PCDH15: variants seen among roughly 807,000 people sequenced by gnomAD.
The protein encoded by PCDH15 is protocadherin related 15.
In PCDH15, 129 loss-of-function variants were observed where a neutral mutation model predicts 178.5. That is an observed-to-expected ratio of 0.72 (90% CI 0.63 to 0.84). The LOEUF (loss-of-function observed/expected upper bound fraction) is 0.84. Among genes scored for constraint, PCDH15 ranks in the 40% least tolerant of loss-of-function variants. PCDH15 has a pLI of 0.00. For synonymous variants in PCDH15, 800 were observed against 732.0 expected (o/e 1.09, Z -1.50); for missense variants, 2,230 against 2,099.9 (o/e 1.06, Z -1.21).
chr10:54,742,062 T>G (rs914506798), intron 1 of PCDH15, among the ~76,000 whole-genome samples: 2 of 152,076 alleles, frequency 1.3e-5, no homozygotes, highest in African/African-American at 2.4e-5. Context: ...CCTTTCCTCA[T>G]AACTTTTGTC....
At chr10:53,890,875 C>G (rs1439122211) in intron 26 of PCDH15, among the ~76,000 whole-genome samples, 1 of 152,146 alleles carries the variant, frequency 6.6e-6, no homozygotes, top group African/African-American at 2.4e-5. Context: ...AAATCTCTCT[C>G]CAGGCCTGCG....
At chr10:54,861,220 C>A (rs995853491) in intron 3 of PCDH15, among the ~76,000 whole-genome samples, 3 of 152,038 alleles carry the variant, frequency 2.0e-5, no homozygotes, top group African/African-American at 7.2e-5. Context: ...CATTGATAGA[C>A]TGCTAGCTAG....
intron 2 of PCDH15, among the ~76,000 whole-genome samples, chr10:55,150,072 G>GGGGGA (rs141589885): frequency 3.0e-5 from 1 of 33,484 alleles, no homozygotes; most frequent in Non-Finnish European, 8.0e-5. Flanking sequence ...GAGGAGAGGA[G>GGGGGA]GGGGAGGGGA....
At chr10:53,855,670 C>T (rs1447681572) in intron 28 of PCDH15, among the ~76,000 whole-genome samples, 5 of 151,534 alleles carry the variant, frequency 3.3e-5, no homozygotes, top group African/African-American at 1.2e-4. Context: ...TTCTGGCAAG[C>T]TGAAGTGATG....
At chr10:54,355,185 T>A (rs936538443) in intron 5 of PCDH15, among the ~76,000 whole-genome samples, 4 of 145,542 alleles carry the variant, frequency 2.7e-5, no homozygotes, top group Admixed American at 2.1e-4. Context: ...AAGTATCACC[T>A]CCTTTAATCC....
At chr10:54,272,979 G>T (rs2058135292) in intron 8 of PCDH15, among the ~76,000 whole-genome samples, 1 of 152,074 alleles carries the variant, frequency 6.6e-6, no homozygotes, top group Non-Finnish European at 1.5e-5. Flanking sequence ...GTATAATGTG[G>T]TATGTTCTGA....
chr10:55,626,659 A>G (rs1207145909), intron 2 of PCDH15, among the ~76,000 whole-genome samples: 3 of 152,212 alleles, frequency 2.0e-5, no homozygotes, highest in Non-Finnish European at 4.4e-5. Flanking sequence ...TTGTTTGCCA[A>G]AAATCAAGGG....
At chr10:53,890,372 G>A (rs2081472807) in intron 26 of PCDH15, among the ~76,000 whole-genome samples, 1 of 152,190 alleles carries the variant, frequency 6.6e-6, no homozygotes, top group Non-Finnish European at 1.5e-5. Flanking sequence ...GTTGCAGTGA[G>A]CTGAGATGGT....
chr10:54,181,109 A>G (rs955635812), intron 13 of PCDH15, among the ~76,000 whole-genome samples: 2 of 152,160 alleles, frequency 1.3e-5, no homozygotes, highest in Non-Finnish European at 2.9e-5. Context: ...TTATGTCATT[A>G]TAGAGATGAA....
chr10:54,891,799 G>T (rs955361876), intron 3 of PCDH15, among the ~76,000 whole-genome samples: 1 of 152,102 alleles, frequency 6.6e-6, no homozygotes, highest in African/African-American at 2.4e-5. Context: ...TGGTTTTGAA[G>T]AAGGCTGTAG....
intron 2 of PCDH15, among the ~76,000 whole-genome samples, chr10:55,387,261 G>A (rs2132009135): frequency 6.6e-6 from 1 of 152,158 alleles, no homozygotes; most frequent in East Asian, 1.9e-4. Flanking sequence ...AGAGCCCTAG[G>A]ATCGCTGATA....
At chr10:54,122,006 C>CAA in intron 15 of PCDH15, among the ~76,000 whole-genome samples, 1 of 147,530 alleles carries the variant, frequency 6.8e-6, no homozygotes, top group South Asian at 2.1e-4. Context: ...GACACATACA[C>CAA]ACACACACAC....
chr10:55,088,329 C>T lies in PCDH15; in HGVS notation c.-80+78247G>A, dbSNP rs537093972. The stretch of plus-strand genomic sequence containing the variant: ...TGTTGCCCAGGCTGGAGTGCAGTGG[C>T]GTGATCTTGGCTCACTGCAACCTCC... On this transcript the variant is annotated intron_variant, in intron 2 of 5. Transcript: ENST00000458638. Among the ~76,000 whole-genome samples the T allele has an allele frequency of 5.3e-5, 8 of 151,572 alleles. No homozygotes were observed. In the East Asian group the frequency reaches 7.8e-4, roughly 15 times the overall value.
At chr10:55,594,131 C>T (rs1179062068) in intron 2 of PCDH15, among the ~76,000 whole-genome samples, 1 of 151,828 alleles carries the variant, frequency 6.6e-6, no homozygotes, top group Non-Finnish European at 1.5e-5. Context: ...AATATAAGTA[C>T]AAATAATAAT....
At chr10:54,747,201 G>T (rs1945584941) in intron 1 of PCDH15, among the ~76,000 whole-genome samples, 1 of 152,172 alleles carries the variant, frequency 6.6e-6, no homozygotes, top group Non-Finnish European at 1.5e-5. Flanking sequence ...TACACACCAT[G>T]CTTATCAGTT....
intron 2 of PCDH15, among the ~76,000 whole-genome samples, chr10:55,577,846 CT>C: frequency 6.6e-6 from 1 of 152,234 alleles, no homozygotes. Flanking sequence ...CATAATGAAT[CT>C]TTTCACAGTA....
At chr10:55,527,060 A>G (rs551465510) in intron 2 of PCDH15, among the ~76,000 whole-genome samples, 1 of 152,132 alleles carries the variant, frequency 6.6e-6, no homozygotes, top group East Asian at 1.9e-4. Context: ...ACTTCAGTTG[A>G]ATTAAAGGAG....
chr10:55,031,301 T>C (rs2131966370), intron 2 of PCDH15, among the ~76,000 whole-genome samples: 1 of 152,326 alleles, frequency 6.6e-6, no homozygotes, highest in East Asian at 1.9e-4. Context: ...TAACTCCATG[T>C]GTAAACCGAA....
chr10:54,602,947 G>T (rs1222815273), intron 2 of PCDH15, among the ~76,000 whole-genome samples: 3 of 151,734 alleles, frequency 2.0e-5, no homozygotes, highest in East Asian at 1.9e-4. Context: ...GGATGTCTTT[G>T]GTTATCAGGT....
Sources: allele counts gnomAD v4.1 joint callset (sites outside exome capture counted in the v4.1 genomes callset), GRCh38; gene constraint gnomAD v4.1.1; transcripts MANE v1.5; gene names NCBI Gene and HGNC (gene_info 2026-07-23, HGNC 2026-07-21).